Variants in CASK observed in about 807,000 individuals in gnomAD.
CASK encodes calcium/calmodulin dependent serine protein kinase.
In CASK, 4 loss-of-function variants were observed where a neutral mutation model predicts 82.9. The observed-to-expected ratio is 0.05, with a 90% CI of 0.02 to 0.11. The LOEUF (loss-of-function observed/expected upper bound fraction) is 0.11. Among genes scored for constraint, CASK ranks in the 10% least tolerant of loss-of-function variants. The pLI is 1.00. For synonymous variants in CASK, 259 were observed against 253.5 expected (o/e 1.02, Z -0.20); for missense variants, 358 against 720.9 (o/e 0.50, Z 5.76).
At chrX:41,529,564 G>T in intron 25 of CASK, 1 of 115,153 alleles carries the variant, frequency 8.7e-6, no homozygotes, top group Non-Finnish European at 1.8e-5. Flanking sequence ...GACCAGTGTG[G>T]AACCCAAGGA....
chrX:41,747,754 T>C (rs902497448), intron 3 of CASK, among the ~76,000 whole-genome samples: 1 of 112,635 alleles, frequency 8.9e-6, no homozygotes, highest in African/African-American at 3.2e-5. Flanking sequence ...AATAACACTT[T>C]TGATACATAC....
At chrX:41,693,017 G>A (rs892700665) in intron 5 of CASK, among the ~76,000 whole-genome samples, 7 of 111,164 alleles carry the variant, frequency 6.3e-5, no homozygotes, top group African/African-American at 2.0e-4. Context: ...ACAGAGAGCC[G>A]AACAAAATTG....
chrX:41,623,603 G>A (rs1297472633), intron 10 of CASK, among the ~76,000 whole-genome samples: 3 of 110,908 alleles, frequency 2.7e-5, no homozygotes, highest in Non-Finnish European at 3.8e-5. Flanking sequence ...TAGAGATGGG[G>A]GTTTCACCAT....
At chrX:41,829,704 T>G (rs867701578) in intron 2 of CASK, among the ~76,000 whole-genome samples, 2 of 2,708 alleles carry the variant, frequency 7.4e-4, no homozygotes, top group Non-Finnish European at 1.1e-3. Flanking sequence ...AAGATATATA[T>G]ATATATATAT....
At chrX:41,786,647 C>T (rs2069612612) in intron 3 of CASK, among the ~76,000 whole-genome samples, 1 of 111,253 alleles carries the variant, frequency 9.0e-6, no homozygotes, top group African/African-American at 3.3e-5. Flanking sequence ...CTGGATGACC[C>T]AGTTGTACTA....
intron 2 of CASK, among the ~76,000 whole-genome samples, chrX:41,788,579 G>A (rs1213211780): frequency 8.9e-6 from 1 of 111,920 alleles, no homozygotes; most frequent in Non-Finnish European, 1.9e-5. Flanking sequence ...AGCAATGATC[G>A]TAGATGGAAC....
At position 41,864,440 on chromosome X, in the gene CASK, C is replaced by G. The variant is rs774828828; in HGVS notation, c.60-11213G>C. Among the ~76,000 whole-genome samples, 6 of 111,745 alleles carry G rather than the reference C, an allele frequency of 5.4e-5. 1 individual carries two copies. Among genetic ancestry groups the G allele is most frequent in the African/African-American group, 2.0e-4 (6 of 30,748 alleles). On this transcript the variant is annotated intron_variant, in intron 1 of 26. Coordinates refer to ENST00000378163, the MANE Select transcript of CASK (RefSeq NM_001367721.1). Reference sequence around the variant, plus strand: ...TCATATTACACATTAGCAGTCCAGTCTTGTGGTTAAGAAACCTCTCTCTTC... The same window carrying G: ...TCATATTACACATTAGCAGTCCAGTGTTGTGGTTAAGAAACCTCTCTCTTC...
At chrX:41,784,876 A>G (rs1183215596) in intron 3 of CASK, among the ~76,000 whole-genome samples, 1 of 111,161 alleles carries the variant, frequency 9.0e-6, no homozygotes, top group Non-Finnish European at 1.9e-5. Flanking sequence ...ACTCTGTTCA[A>G]AAAAACAAAC....
chrX:41,539,249 C>T (rs2064916142), intron 22 of CASK, among the ~76,000 whole-genome samples: 1 of 111,549 alleles, frequency 9.0e-6, no homozygotes, highest in South Asian at 3.7e-4. Context: ...AATTTCCTAA[C>T]GACAAAAATG....
At chrX:41,887,198 C>A (rs1054949659) in intron 1 of CASK, among the ~76,000 whole-genome samples, 9 of 108,826 alleles carry the variant, frequency 8.3e-5, no homozygotes, top group Non-Finnish European at 1.5e-4. Flanking sequence ...AATCAGAGGG[C>A]AAATTCTTCA....
chrX:41,763,296 G>C (rs2069039395), intron 3 of CASK, among the ~76,000 whole-genome samples: 1 of 111,269 alleles, frequency 9.0e-6, no homozygotes, highest in Non-Finnish European at 1.9e-5. Context: ...GAAGAGAACA[G>C]TAACTTGGAT....
intron 1 of CASK, among the ~76,000 whole-genome samples, chrX:41,920,064 G>A (rs2072758072): frequency 8.9e-6 from 1 of 111,903 alleles, no homozygotes; most frequent in Non-Finnish European, 1.9e-5. Context: ...GTGAGTAGGT[G>A]GTTGCGTAGG....
At chrX:41,712,084 A>G (rs2067986922) in intron 5 of CASK, among the ~76,000 whole-genome samples, 2 of 112,396 alleles carry the variant, frequency 1.8e-5, no homozygotes, top group African/African-American at 6.5e-5. Context: ...CTGGCCATGG[A>G]GGTCCCTGAT....
At chrX:41,647,864 G>T (rs778896746) in intron 8 of CASK, among the ~76,000 whole-genome samples, 1 of 111,569 alleles carries the variant, frequency 9.0e-6, no homozygotes, top group South Asian at 3.7e-4. Context: ...TCTTAATCCT[G>T]TCAGCCTAAG....
intron 1 of CASK, among the ~76,000 whole-genome samples, chrX:41,861,935 T>TACATATGTATACATAC (rs1290835928): frequency 9.7e-5 from 10 of 103,514 alleles, no homozygotes; most frequent in Non-Finnish European, 1.7e-4. Flanking sequence ...ATATACTATA[T>TACATATGTATACATAC]ATACTATATA....
At position 41,875,212 on chromosome X, in the gene CASK, C is replaced by T. The variant is rs188775026; in HGVS notation, c.60-21985G>A. Among the ~76,000 whole-genome samples the T allele has an allele frequency of 8.7e-3, 977 of 111,996 alleles. 14 individuals carry two copies. Among genetic ancestry groups the T allele is most frequent in the African/African-American group, 0.031 (943 of 30,845 alleles). On this transcript the variant is annotated intron_variant, in intron 1 of 26. Coordinates refer to ENST00000378163, the MANE Select transcript of CASK (RefSeq NM_001367721.1). ...CATTATATATTTGCCCAGAGTAGAA[C>T]TGATGAGAGAACAAATATTTGAAAA...
intron 5 of CASK, among the ~76,000 whole-genome samples, chrX:41,714,283 C>T (rs1274554827): frequency 9.0e-6 from 1 of 111,321 alleles, no homozygotes; most frequent in Admixed American, 9.5e-5. Context: ...GGAACACTTC[C>T]CCTACCTAGT....
At chrX:41,665,562 T>C in intron 6 of CASK, 110 bp from the exon 7 acceptor site, 1 of 563,116 alleles carries the variant, frequency 1.8e-6, no homozygotes, top group East Asian at 3.6e-5. Flanking sequence ...TACCAATACA[T>C]ATACTCTCAC....
At chrX:41,660,065 T>A in intron 8 of CASK, 1 of 200,198 alleles carries the variant, frequency 5.0e-6, no homozygotes. Context: ...TACTGAAAAA[T>A]AGTTAATGCT....
Sources: gnomAD v4.1 joint callset for allele counts (sites outside exome capture counted in the v4.1 genomes callset) on GRCh38, gnomAD v4.1.1 for gene constraint, MANE v1.5 for transcripts, NCBI Gene and HGNC (gene_info 2026-07-23, HGNC 2026-07-21) for gene names.